TRHDE: variants seen among roughly 807,000 people sequenced by gnomAD.
TRHDE encodes thyrotropin-releasing hormone-degrading ectoenzyme.
In TRHDE, 72 loss-of-function variants were observed where a neutral mutation model predicts 125.7. That is an observed-to-expected ratio of 0.57 (90% CI 0.47 to 0.70). TRHDE has a LOEUF of 0.70. Among genes scored for constraint, TRHDE ranks in the 30% least tolerant of loss-of-function variants. The pLI is 0.00. For synonymous variants in TRHDE, 509 were observed against 509.1 expected, an observed-to-expected ratio of 1.00 and a Z score of 0.00; for missense variants, 1,110 against 1,327.1, an observed-to-expected ratio of 0.84 and a Z score of 2.54.
intron 6 of TRHDE, among the ~76,000 whole-genome samples, chr12:72,534,582 A>G (rs1259728912): frequency 6.6e-6 from 1 of 151,918 alleles, no homozygotes; most frequent in Non-Finnish European, 1.5e-5. Flanking sequence ...GCATAAAAAG[A>G]TGATATTGAT....
intron 7 of TRHDE, among the ~76,000 whole-genome samples, chr12:72,561,070 G>T (rs1051653444): frequency 4.6e-5 from 7 of 152,156 alleles, no homozygotes; most frequent in Non-Finnish European, 1.0e-4. Flanking sequence ...ACACCTGATG[G>T]CAATGATGAA....
At chr12:72,566,964 TATC>T (rs1407925080) in intron 9 of TRHDE, among the ~76,000 whole-genome samples, 1 of 151,948 alleles carries the variant, frequency 6.6e-6, no homozygotes, top group Non-Finnish European at 1.5e-5. Flanking sequence ...AAAATGAGCT[TATC>T]ATTTAATTTG....
intron 2 of TRHDE, among the ~76,000 whole-genome samples, chr12:72,250,175 G>C (rs1878649942): frequency 2.0e-5 from 3 of 152,174 alleles, no homozygotes; most frequent in Admixed American, 2.0e-4. Context: ...GAACTTTTTA[G>C]GGTGATGGAA....
intron 2 of TRHDE, among the ~76,000 whole-genome samples, chr12:72,364,791 A>G (rs907587074): frequency 3.3e-5 from 5 of 152,124 alleles, no homozygotes; most frequent in African/African-American, 9.7e-5. Context: ...GGGCCAAACT[A>G]AATTGATACT....
At chr12:72,281,756 G>C (rs1859041345) in intron 1 of TRHDE, among the ~76,000 whole-genome samples, 1 of 152,150 alleles carries the variant, frequency 6.6e-6, no homozygotes, top group Non-Finnish European at 1.5e-5. Context: ...AGCAGAAATT[G>C]TTTTGTATCA....
chr12:72,341,526 G>A (rs906970962), intron 2 of TRHDE, among the ~76,000 whole-genome samples: 1 of 152,074 alleles, frequency 6.6e-6, no homozygotes, highest in African/African-American at 2.4e-5. Context: ...AGGATTCATT[G>A]TTATTCCATA....
At chr12:72,257,199 C>T (rs1329203383) in intron 2 of TRHDE, 3 of 152,034 alleles carry the variant, frequency 2.0e-5, no homozygotes, top group Admixed American at 6.6e-5. Context: ...ATCTGAAATC[C>T]GATGCTCCAA....
At chr12:72,406,569 A>T (rs1232814772) in intron 3 of TRHDE, among the ~76,000 whole-genome samples, 1 of 152,094 alleles carries the variant, frequency 6.6e-6, no homozygotes, top group Non-Finnish European at 1.5e-5. Flanking sequence ...AGATTCTCTT[A>T]AGTTTTGTTA....
chr12:72,163,628 T>C (rs952308582), intron 2 of TRHDE, among the ~76,000 whole-genome samples: 12 of 152,188 alleles, frequency 7.9e-5, no homozygotes, highest in Admixed American at 7.2e-4. Context: ...GGATTCAGTG[T>C]GTAGGCTGAG....
Position 72,414,889 on chromosome 12 carries a change from A to G in TRHDE, c.1315+36768A>G, listed in dbSNP as rs75289492. Among the ~76,000 whole-genome samples the G allele has an allele frequency of 7.1e-3, 1,084 of 152,238 alleles. 13 individuals carry two copies. The highest frequency in any genetic ancestry group is 0.025 in the African/African-American group (1,050 of 41,542). ...TTACTATGCTTTTATTTTTAATGAA[A>G]AAACTGCGATTCAGAAAATTTAATG... On this transcript the variant is annotated intron_variant, in intron 3 of 18. Coordinates refer to ENST00000261180, the MANE Select transcript of TRHDE (RefSeq NM_013381.3).
chr12:72,123,831 T>C (rs917826692), intron 2 of TRHDE, among the ~76,000 whole-genome samples: 7 of 152,108 alleles, frequency 4.6e-5, no homozygotes, highest in Non-Finnish European at 7.4e-5. Flanking sequence ...CTCATTACAA[T>C]CATCCTTCCC....
intron 12 of TRHDE, among the ~76,000 whole-genome samples, chr12:72,579,588 G>C (rs1239527527): frequency 6.6e-6 from 1 of 152,030 alleles, no homozygotes. Flanking sequence ...GCTTTGTGGT[G>C]GTTATCATTC....
At chr12:72,247,073 C>T (rs1878588502) in intron 2 of TRHDE, among the ~76,000 whole-genome samples, 1 of 152,118 alleles carries the variant, frequency 6.6e-6, no homozygotes, top group Non-Finnish European at 1.5e-5. Flanking sequence ...CTCGCAGAGA[C>T]CAAAATCCAT....
intron 2 of TRHDE, among the ~76,000 whole-genome samples, chr12:72,185,135 C>T (rs944951199): frequency 1.3e-5 from 2 of 152,174 alleles, no homozygotes; most frequent in African/African-American, 4.8e-5. Flanking sequence ...CACTCGCACT[C>T]GGAGCAGCCG....
At chr12:72,191,610 C>T (rs1003320340) in intron 2 of TRHDE, among the ~76,000 whole-genome samples, 4 of 151,982 alleles carry the variant, frequency 2.6e-5, no homozygotes, top group South Asian at 2.1e-4. Flanking sequence ...AATTTGAGAA[C>T]GTTTCAACTG....
chr12:72,328,057 A>T (rs1373477029), intron 2 of TRHDE, among the ~76,000 whole-genome samples: 1 of 152,184 alleles, frequency 6.6e-6, no homozygotes, highest in Non-Finnish European at 1.5e-5. Flanking sequence ...GAGTATCATC[A>T]GAGGAAGAAA....
chr12:72,126,304 T>A (rs907504966), intron 2 of TRHDE, among the ~76,000 whole-genome samples: 1 of 152,144 alleles, frequency 6.6e-6, no homozygotes, highest in Non-Finnish European at 1.5e-5. Flanking sequence ...ACAGATTCAA[T>A]GCTATTCCTA....
intron 2 of TRHDE, among the ~76,000 whole-genome samples, chr12:72,353,578 C>A (rs1870681046): frequency 6.6e-6 from 1 of 151,248 alleles, no homozygotes; most frequent in Admixed American, 6.6e-5. Flanking sequence ...GATTCATGCA[C>A]CTGGGATCCA....
intron 10 of TRHDE, among the ~76,000 whole-genome samples, chr12:72,572,637 T>C (rs1870799798): frequency 6.6e-6 from 1 of 152,112 alleles, no homozygotes; most frequent in Non-Finnish European, 1.5e-5. Context: ...AAAATATTCA[T>C]GAACAGTAAT....
Sources: allele counts gnomAD v4.1 joint callset (sites outside exome capture counted in the v4.1 genomes callset), GRCh38; gene constraint gnomAD v4.1.1; transcripts MANE v1.5; gene names NCBI Gene and HGNC (gene_info 2026-07-23, HGNC 2026-07-21).